SPATA6: variants seen among roughly 807,000 people sequenced by gnomAD.
SPATA6 encodes spermatogenesis-associated protein 6.
Under a neutral mutation model 65.3 loss-of-function variants are expected in SPATA6, and 56 were observed. The observed-to-expected ratio is 0.86, with a 90% CI of 0.69 to 1.07. The LOEUF (loss-of-function observed/expected upper bound fraction) is 1.07, where lower values mean the gene tolerates loss of function less well. SPATA6 is among the 50% of genes least tolerant of loss of function. The pLI is 0.00. For missense variants in SPATA6, 590 were observed against 594.8 expected, an observed-to-expected ratio of 0.99 and a Z score of 0.08; for synonymous variants, 199 against 213.2, an observed-to-expected ratio of 0.93 and a Z score of 0.58.
Position 48,472,036 on chromosome 1 carries a change from A to G in SPATA6, c.-28T>C. 1 of 1,332,816 alleles carries G rather than the reference A, an allele frequency of 7.5e-7. No individual in the cohort carries two copies. Among genetic ancestry groups the G allele is most frequent in the Non-Finnish European group, 9.7e-7 (1 of 1,033,634 alleles). The allele number at this position is 1,332,816 out of a possible 1,614,324, so 82.6% of individuals were successfully genotyped here. On this transcript the variant is annotated 5_prime_UTR_variant, in exon 1 of 13. Coordinates refer to ENST00000371847, the MANE Select transcript of SPATA6 (RefSeq NM_019073.4). ...GTGCGGGGAGGGGCGGCGGGGAGTG[A>G]CCCCGGCCACGGGCCCGAGTGAGGC...
rs570839427 is a variant in SPATA6 at position 48,391,379 on chromosome 1, A to C, written c.868+3888T>G. Among the ~76,000 whole-genome samples the C allele has an allele frequency of 3.9e-5, 6 of 152,166 alleles. No individual in the cohort carries two copies. In the South Asian group the frequency reaches 1.2e-3, roughly 32 times the overall value. On this transcript the variant is annotated intron_variant, in intron 8 of 12. Transcript: ENST00000371847. ...AACAAAGCAAGATCCTGTCTCAAAA[A>C]AAAAAAGGACAAGGATATGCTAACT...
At chr1:48,370,218 C>A (rs542486631) in intron 9 of SPATA6, among the ~76,000 whole-genome samples, 35 of 152,278 alleles carry the variant, frequency 2.3e-4, no homozygotes, top group Admixed American at 2.1e-3. Context: ...ACACACTATT[C>A]TCTAAAGTTT....
At chr1:48,341,963 TCAC>T (rs567205627) in intron 11 of SPATA6, among the ~76,000 whole-genome samples, 267 of 152,340 alleles carry the variant, frequency 1.8e-3, no homozygotes, top group African/African-American at 6.2e-3. Context: ...GTGTACATGT[TCAC>T]CAAAGAATAT....
At chr1:48,400,719 TA>T in intron 6 of SPATA6, 1 of 1,175,428 alleles carries the variant, frequency 8.5e-7, no homozygotes, top group Non-Finnish European at 1.1e-6. Context: ...TTAATTTTCC[TA>T]ATTGGAAAAG....
chr1:48,276,581 T>A, the SPATA6 span, among the ~76,000 whole-genome samples: 691 of 152,360 alleles, frequency 4.5e-3, 4 homozygotes, highest in African/African-American at 0.015. Flanking sequence ...TGCCGTTACG[T>A]CCTTATTTAC....
chr1:48,451,909 CT>C (rs1250128881), intron 2 of SPATA6, among the ~76,000 whole-genome samples: 3 of 152,122 alleles, frequency 2.0e-5, no homozygotes, highest in African/African-American at 7.2e-5. Flanking sequence ...TGTTTTTCCT[CT>C]GCTTAAAATG....
chr1:48,292,476 C>T (rs561871599), downstream of SPATA6, among the ~76,000 whole-genome samples: 80 of 152,252 alleles, frequency 5.3e-4, no homozygotes, highest in African/African-American at 1.9e-3. Flanking sequence ...TAGATAATGC[C>T]GAAGTTGGCA....
chr1:48,416,254 T>C (rs1307615604), intron 3 of SPATA6, among the ~76,000 whole-genome samples: 1 of 151,874 alleles, frequency 6.6e-6, no homozygotes, highest in Non-Finnish European at 1.5e-5. Flanking sequence ...AGGGAAAAAA[T>C]ACTGAACCTA....
chr1:48,471,814 C>A, intron 1 of SPATA6, 144 bp downstream of exon 1: 1 of 926,502 alleles, frequency 1.1e-6, no homozygotes, highest in Non-Finnish European at 1.7e-6. Context: ...CAAGATGGGG[C>A]AGGACCGAAG....
chr1:48,371,319 TC>T lies in SPATA6; in HGVS notation c.910-11550del, dbSNP rs770007886. Among the ~76,000 whole-genome samples, 295 of 140,920 alleles carry T rather than the reference TC, an allele frequency of 2.1e-3. 1 individual carries two copies. The highest frequency in any genetic ancestry group is 3.8e-3 in the Non-Finnish European group (237 of 63,026). The allele number at this position is 140,920 out of a possible 152,430, so 92.4% of individuals were successfully genotyped here. ...GATAGATAGATAGATAGATAGATATTCAAACAAGGAATTTCAAGGGAACTTC... is the reference window on the plus strand; with the variant it reads ...GATAGATAGATAGATAGATAGATATTAAACAAGGAATTTCAAGGGAACTTC... On this transcript the variant is annotated intron_variant, in intron 9 of 12. Coordinates refer to ENST00000371847, the MANE Select transcript of SPATA6 (RefSeq NM_019073.4).
intron 9 of SPATA6, among the ~76,000 whole-genome samples, chr1:48,360,698 C>T (rs1646787311): frequency 1.3e-5 from 2 of 152,150 alleles, no homozygotes; most frequent in Admixed American, 1.3e-4. Flanking sequence ...AATAGGACAT[C>T]CCAGGCTATT....
chr1:48,378,983 A>C (rs1167698855), intron 9 of SPATA6, among the ~76,000 whole-genome samples: 2 of 152,262 alleles, frequency 1.3e-5, no homozygotes, highest in Non-Finnish European at 2.9e-5. Context: ...GTTAAGTTAA[A>C]TAAGATAGGC....
chr1:48,440,739 G>T (rs1027604906), intron 3 of SPATA6, among the ~76,000 whole-genome samples: 5 of 152,204 alleles, frequency 3.3e-5, no homozygotes, highest in Non-Finnish European at 7.3e-5. Flanking sequence ...CAACTCACTT[G>T]AGGATCAACT....
the SPATA6 span, among the ~76,000 whole-genome samples, chr1:48,264,158 T>A: frequency 6.6e-6 from 1 of 152,216 alleles, no homozygotes; most frequent in East Asian, 1.9e-4. Context: ...TTGGCTTTAA[T>A]GTAACCTTTG....
At chr1:48,366,157 G>A (rs1383659358) in intron 9 of SPATA6, among the ~76,000 whole-genome samples, 1 of 152,166 alleles carries the variant, frequency 6.6e-6, no homozygotes, top group Non-Finnish European at 1.5e-5. Context: ...CTTGATCATG[G>A]TGGATAAGCT....
intron 11 of SPATA6, among the ~76,000 whole-genome samples, chr1:48,314,706 G>A (rs1390367629): frequency 2.0e-5 from 3 of 152,184 alleles, no homozygotes; most frequent in Non-Finnish European, 4.4e-5. Context: ...CAGAACTGAA[G>A]GAGACAGAGA....
At chr1:48,281,238 G>A in the SPATA6 span, among the ~76,000 whole-genome samples, 24 of 151,734 alleles carry the variant, frequency 1.6e-4, no homozygotes, top group South Asian at 4.4e-3. Flanking sequence ...TACTGAATGG[G>A]CAAAAACTGG....
At chr1:48,335,656 G>A (rs1157405610) in intron 11 of SPATA6, among the ~76,000 whole-genome samples, 1 of 152,082 alleles carries the variant, frequency 6.6e-6, no homozygotes, top group Non-Finnish European at 1.5e-5. Flanking sequence ...AGACCTAAAT[G>A]TAAACCCTGT....
intron 9 of SPATA6, among the ~76,000 whole-genome samples, chr1:48,374,955 C>T (rs1392835453): frequency 6.6e-6 from 1 of 152,200 alleles, no homozygotes; most frequent in Non-Finnish European, 1.5e-5. Flanking sequence ...ATGTCATAAA[C>T]TCAGCTTTGC....
Sources: gnomAD v4.1 joint callset for allele counts (sites outside exome capture counted in the v4.1 genomes callset) on GRCh38, gnomAD v4.1.1 for gene constraint, MANE v1.5 for transcripts, NCBI Gene and HGNC (gene_info 2026-07-23, HGNC 2026-07-21) for gene names.